SARNP: variants seen among roughly 807,000 people sequenced by gnomAD.
SARNP encodes the protein SAP domain-containing ribonucleoprotein.
In SARNP, 5 loss-of-function variants were observed where a neutral mutation model predicts 38.1. The ratio of observed to expected loss-of-function variants is 0.13; its 90% confidence interval spans 0.07 to 0.28. The LOEUF is 0.28. Ranked by LOEUF, SARNP falls within the 10% of genes least tolerant of loss-of-function variation. The probability of loss-of-function intolerance (pLI) is 1.00; values close to 1 mark genes in which losing one functional copy is unlikely to be tolerated. For synonymous variants in SARNP, 84 were observed against 80.6 expected (o/e 1.04, Z -0.23); for missense variants, 180 against 243.9 (o/e 0.74, Z 1.75).
chr12:55,800,566 C>T lies in SARNP; in HGVS notation c.247G>A (p.Asp83Asn). 6.2e-7 allele frequency: 1 copy of T among 1,604,692 alleles called. No individual in the cohort carries two copies. Among genetic ancestry groups the T allele is most frequent in the Non-Finnish European group, 8.5e-7 (1 of 1,173,208 alleles). Residue 83 changes from aspartate to asparagine, a missense_variant, in exon 4 of 11, where the codon GAT (aspartate) becomes AAT (asparagine). Physicochemically the swap from Asp to Asn is conservative, Grantham distance 23. This residue lies in a region of SARNP where 161 missense variants were observed against 194.1 expected (regional missense o/e 0.83). Coordinates refer to ENST00000336133, the MANE Select transcript of SARNP (RefSeq NM_033082.4). ...TTATAAAAAAGGGATAATTACACAT[C>T]AACAGTTTTTTCAGGGGGTTCTTCC... ...KEEEPPEKTV[D>N]VAAEKKVVKI... is the part of the protein sequence containing the mutation.
chr12:55,800,523 G>A lies in SARNP; in HGVS notation c.251+39C>T, dbSNP rs373049053. Reference sequence around the variant, plus strand: ...CATTAAATACATTAAGAAAAGAGCTGCCTGCTCTGTACTCAGATTATAAAA... The same window carrying A: ...CATTAAATACATTAAGAAAAGAGCTACCTGCTCTGTACTCAGATTATAAAA... On this transcript the variant is annotated intron_variant, in intron 4 of 10. Coordinates refer to ENST00000336133, the MANE Select transcript of SARNP (RefSeq NM_033082.4). 168 of 1,318,490 alleles carry A rather than the reference G, an allele frequency of 1.3e-4. No homozygotes were observed. In the African/African-American group the frequency reaches 1.6e-3, roughly 12 times the overall value. The allele number at this position is 1,318,490 out of a possible 1,614,324, so 81.7% of individuals were successfully genotyped here. A position where few individuals can be genotyped will look rare whatever the true frequency, so the allele number is the denominator to read the frequency against.
intron 1 of SARNP, among the ~76,000 whole-genome samples, chr12:55,809,031 AT>A (rs1880243927): frequency 6.6e-6 from 1 of 151,942 alleles, no homozygotes; most frequent in African/African-American, 2.4e-5. Context: ...ATATGTTGAA[AT>A]CCCATCTCTA....
chr12:55,798,909 T>C (rs1879896290), intron 4 of SARNP, among the ~76,000 whole-genome samples: 3 of 152,150 alleles, frequency 2.0e-5, no homozygotes, highest in African/African-American at 7.2e-5. Context: ...CTACTGAGGA[T>C]AAAATGACAG....
chr12:55,807,433 G>T (rs1880181992), intron 1 of SARNP, among the ~76,000 whole-genome samples: 1 of 151,948 alleles, frequency 6.6e-6, no homozygotes, highest in Non-Finnish European at 1.5e-5. Flanking sequence ...CCCTTGTGAG[G>T]CCAAGGCGGG....
At chr12:55,777,456 C>T (rs1458805601) in intron 9 of SARNP, among the ~76,000 whole-genome samples, 1 of 151,664 alleles carries the variant, frequency 6.6e-6, no homozygotes, top group Non-Finnish European at 1.5e-5. Context: ...CTCACTGCAA[C>T]CTCTGCCTCC....
chr12:55,758,689 T>C (rs1236359442), intron 10 of SARNP, among the ~76,000 whole-genome samples: 1 of 151,852 alleles, frequency 6.6e-6, no homozygotes, highest in East Asian at 1.9e-4. Flanking sequence ...CTGTTGGTAC[T>C]GTCCTCAAGA....
At chr12:55,807,577 C>T (rs1051474930) in intron 1 of SARNP, among the ~76,000 whole-genome samples, 10 of 148,748 alleles carry the variant, frequency 6.7e-5, no homozygotes, top group Non-Finnish European at 1.2e-4. Flanking sequence ...CCGAGGCAGG[C>T]GGATCATGAG....
At chr12:55,788,099 A>G (rs907817057) in intron 9 of SARNP, among the ~76,000 whole-genome samples, 7 of 152,076 alleles carry the variant, frequency 4.6e-5, no homozygotes, top group Admixed American at 3.9e-4. Flanking sequence ...CCCTGCCACC[A>G]CTTTGACAAC....
chr12:55,791,529 T>C (rs1243163082), intron 7 of SARNP, among the ~76,000 whole-genome samples: 1 of 152,062 alleles, frequency 6.6e-6, no homozygotes, highest in Non-Finnish European at 1.5e-5. Context: ...ATCCCATCTC[T>C]ACTACAAATA....
At chr12:55,808,801 A>G (rs1461685774) in intron 1 of SARNP, among the ~76,000 whole-genome samples, 2 of 151,496 alleles carry the variant, frequency 1.3e-5, no homozygotes, top group East Asian at 1.9e-4. Context: ...TAAAAACATA[A>G]AACAGCTGAA....
At chr12:55,810,510 T>C (rs969422374) in intron 1 of SARNP, among the ~76,000 whole-genome samples, 2 of 151,424 alleles carry the variant, frequency 1.3e-5, no homozygotes, top group Non-Finnish European at 2.9e-5. Context: ...TGGAGTACAG[T>C]GGCACAATCT....
intron 9 of SARNP, 131 bp from the exon 10 acceptor site, chr12:55,760,771 A>C: frequency 1.5e-6 from 1 of 652,882 alleles, no homozygotes; most frequent in Non-Finnish European, 2.7e-6. Context: ...TCACATAAAG[A>C]GATAAGATAC....
chr12:55,807,811 C>T (rs1163685379), intron 1 of SARNP, among the ~76,000 whole-genome samples: 3 of 138,274 alleles, frequency 2.2e-5, no homozygotes, highest in Non-Finnish European at 1.5e-5. Context: ...GAGACTTTGT[C>T]TCAAAAAAAA....
chr12:55,787,906 A>G (rs1048128284), intron 9 of SARNP, among the ~76,000 whole-genome samples: 1 of 150,322 alleles, frequency 6.7e-6, no homozygotes, highest in Non-Finnish European at 1.5e-5. Flanking sequence ...CCGCCACCAC[A>G]CCCAGCTAAT....
chr12:55,762,333 T>C (rs1397078747), intron 9 of SARNP, among the ~76,000 whole-genome samples: 1 of 145,668 alleles, frequency 6.9e-6, no homozygotes, highest in Non-Finnish European at 1.5e-5. Flanking sequence ...TGAGACAGAG[T>C]CTTACTTCGT....
At chr12:55,799,225 C>T (rs966080513) in intron 4 of SARNP, among the ~76,000 whole-genome samples, 5 of 152,168 alleles carry the variant, frequency 3.3e-5, no homozygotes, top group African/African-American at 1.2e-4. Context: ...TATGTACTGA[C>T]TTTTTACTTG....
Position 55,790,467 on chromosome 12 carries a change from T to A in SARNP, c.432+100A>T. ...GTACTGAAAAGAGTCAACAAATTAA[T>A]GTTCTCAGAGTTTCCTCTAATCTGG... On this transcript the variant is annotated intron_variant, in intron 8 of 10. Transcript: ENST00000336133. The A allele has an allele frequency of 1.5e-5, 19 of 1,284,226 alleles. 1 individual carries two copies. Among genetic ancestry groups the A allele is most frequent in the Non-Finnish European group, 1.9e-5 (18 of 940,824 alleles). 79.6% of individuals were successfully genotyped at this position (1,284,226 alleles called of 1,614,324 possible). A position where few individuals can be genotyped will look rare whatever the true frequency, so the allele number is the denominator to read the frequency against.
At chr12:55,770,231 T>TC (rs1878965270) in intron 9 of SARNP, among the ~76,000 whole-genome samples, 1 of 151,462 alleles carries the variant, frequency 6.6e-6, no homozygotes, top group African/African-American at 2.4e-5. Context: ...ACTAGAATTT[T>TC]TTTTTTTTTT....
chr12:55,808,717 C>T (rs1405473503), intron 1 of SARNP, among the ~76,000 whole-genome samples: 1 of 152,024 alleles, frequency 6.6e-6, no homozygotes, highest in African/African-American at 2.4e-5. Flanking sequence ...ACTGTGATCA[C>T]ACCACTGTAC....
Sources: allele counts gnomAD v4.1 joint callset (sites outside exome capture counted in the v4.1 genomes callset), GRCh38; gene constraint gnomAD v4.1.1; regional missense constraint gnomAD v4.1.1; transcripts MANE v1.5; gene names NCBI Gene and HGNC (gene_info 2026-07-23, HGNC 2026-07-21).